The following USH2A variants were observed in gnomAD, a reference collection of about 807,000 sequenced individuals.
USH2A encodes usherin.
Under a neutral mutation model 538.9 loss-of-function variants are expected in USH2A, and 443 were observed. The observed-to-expected ratio is 0.82, with a 90% CI of 0.76 to 0.89. The LOEUF (loss-of-function observed/expected upper bound fraction) is 0.89, where lower values mean the gene tolerates loss of function less well. Among genes scored for constraint, USH2A ranks in the 40% least tolerant of loss-of-function variants. The pLI is 0.00. For missense variants in USH2A, 6,633 were observed against 6,324.8 expected, an observed-to-expected ratio of 1.05 and a Z score of -1.65; for synonymous variants, 2,413 against 2,273.5, an observed-to-expected ratio of 1.06 and a Z score of -1.75.
At chr1:215,857,657 AG>A (rs1664206836) in intron 44 of USH2A, among the ~76,000 whole-genome samples, 1 of 152,278 alleles carries the variant, frequency 6.6e-6, no homozygotes, top group Non-Finnish European at 1.5e-5. Flanking sequence ...GCACAATCTG[AG>A]GGTGGAGTTT....
chr1:216,375,297 T>A (rs2038796832), intron 3 of USH2A, among the ~76,000 whole-genome samples: 1 of 152,176 alleles, frequency 6.6e-6, no homozygotes, highest in African/African-American at 2.4e-5. Context: ...GACTTTTTCA[T>A]CCACATTGAA....
intron 21 of USH2A, among the ~76,000 whole-genome samples, chr1:216,117,451 G>T (rs934231735): frequency 2.0e-5 from 3 of 151,956 alleles, no homozygotes; most frequent in African/African-American, 7.3e-5. Flanking sequence ...ATTTTCCTTA[G>T]TTCACACTGA....
intron 49 of USH2A, among the ~76,000 whole-genome samples, chr1:215,810,667 A>G (rs1353398672): frequency 3.3e-5 from 5 of 152,206 alleles, no homozygotes; most frequent in Admixed American, 6.5e-5. Context: ...TATAGCAATG[A>G]TTTGTAATCA....
At chr1:215,687,703 C>T (rs1658477418) in intron 61 of USH2A, among the ~76,000 whole-genome samples, 1 of 152,044 alleles carries the variant, frequency 6.6e-6, no homozygotes, top group South Asian at 2.1e-4. Context: ...AATGTGCATA[C>T]ACTGTGACCC....
chr1:215,899,584 C>G (rs1571794028), intron 40 of USH2A, among the ~76,000 whole-genome samples: 1 of 152,134 alleles, frequency 6.6e-6, no homozygotes, highest in Non-Finnish European at 1.5e-5. Flanking sequence ...TTGTAATATA[C>G]TGCTATCAGA....
intron 60 of USH2A, among the ~76,000 whole-genome samples, chr1:215,731,394 C>T (rs1659991628): frequency 6.6e-6 from 1 of 152,134 alleles, no homozygotes; most frequent in African/African-American, 2.4e-5. Context: ...TTGAGTAGAC[C>T]ACAATTATTC....
chr1:215,911,306 A>G (rs112255020), intron 38 of USH2A, among the ~76,000 whole-genome samples: 15,489 of 151,804 alleles, frequency 0.1, 1,087 homozygotes, highest in Non-Finnish European at 0.14. Context: ...TTATGCATTC[A>G]TTCTATTTTT....
At chr1:216,230,715 T>C (rs2102518442) in intron 14 of USH2A, among the ~76,000 whole-genome samples, 1 of 152,176 alleles carries the variant, frequency 6.6e-6, no homozygotes, top group South Asian at 2.1e-4. Flanking sequence ...AACCCTGAAA[T>C]AATTAGCAAT....
intron 47 of USH2A, among the ~76,000 whole-genome samples, chr1:215,824,395 T>C (rs1196056550): frequency 6.6e-6 from 1 of 152,062 alleles, no homozygotes; most frequent in Non-Finnish European, 1.5e-5. Context: ...CTGCCTCCTT[T>C]TTGGCACTAG....
intron 58 of USH2A, among the ~76,000 whole-genome samples, chr1:215,744,543 C>T (rs1413993494): frequency 2.0e-5 from 3 of 152,160 alleles, no homozygotes; most frequent in Non-Finnish European, 2.9e-5. Context: ...CCACATAAGT[C>T]TATCTTTACT....
intron 31 of USH2A, 100 bp from the exon 32 acceptor site, chr1:216,046,692 C>A: frequency 7.1e-7 from 1 of 1,406,986 alleles, no homozygotes; most frequent in East Asian, 2.4e-5. Context: ...CCTGAAATCC[C>A]ATGCATGGAA....
chr1:215,763,166 T>A (rs1409341285), intron 56 of USH2A, among the ~76,000 whole-genome samples: 1 of 152,204 alleles, frequency 6.6e-6, no homozygotes. Context: ...ATTTTCTGTG[T>A]TGGGCACTGT....
At chr1:215,777,508 T>C (rs566327135) in intron 55 of USH2A, among the ~76,000 whole-genome samples, 2 of 152,374 alleles carry the variant, frequency 1.3e-5, no homozygotes, top group East Asian at 3.9e-4. Context: ...CCTTTGCTGG[T>C]ACAGTCTTAA....
At chr1:215,855,023 G>A (rs552905766) in intron 44 of USH2A, among the ~76,000 whole-genome samples, 1 of 152,296 alleles carries the variant, frequency 6.6e-6, no homozygotes, top group South Asian at 2.1e-4. Context: ...TTTGGGGGCT[G>A]CTGCTCTCCA....
At chr1:215,956,796 A>T (rs1270919310) in intron 37 of USH2A, among the ~76,000 whole-genome samples, 2 of 152,166 alleles carry the variant, frequency 1.3e-5, no homozygotes, top group Admixed American at 1.3e-4. Context: ...AGAACAGATG[A>T]GGTCTTAAAC....
chr1:215,825,676 C>A (rs550346538), intron 47 of USH2A, among the ~76,000 whole-genome samples: 16 of 152,194 alleles, frequency 1.1e-4, no homozygotes, highest in Admixed American at 1.0e-3. Flanking sequence ...TCGATTTGGT[C>A]ATTTTTGTCA....
intron 11 of USH2A, among the ~76,000 whole-genome samples, chr1:216,278,106 C>G (rs140258851): frequency 6.6e-6 from 1 of 152,154 alleles, no homozygotes; most frequent in Non-Finnish European, 1.5e-5. Context: ...AATATCCAGA[C>G]ACTACCTAAT....
Position 215,878,913 on chromosome 1 carries a change from A to G in USH2A, c.8409T>C (p.Leu2803=). The G allele has an allele frequency of 6.2e-7, 1 of 1,614,096 alleles. No individual in the cohort carries two copies. The highest frequency in any genetic ancestry group is 1.1e-5 in the South Asian group (1 of 91,078). ...TAGGTAAACTCTCTGTGCACCCTCC[A>G]AGGTACCCATTACCCCCTGAGCAAG... is the stretch of plus-strand genomic sequence containing the variant. The part of the protein sequence containing the change: ...IVACSGGNGY[L]GGCTESLPTY... Residue 2803 remains leucine (L), a synonymous_variant, in exon 42 of 72, where the codon CTT becomes CTC. Coordinates refer to ENST00000307340, the MANE Select transcript of USH2A (RefSeq NM_206933.4).
chr1:216,343,610 T>TA (rs947459397), intron 4 of USH2A, among the ~76,000 whole-genome samples: 18 of 150,936 alleles, frequency 1.2e-4, no homozygotes, highest in African/African-American at 4.4e-4. Context: ...TGTGGTACCA[T>TA]AAAAAAATAG....
Sources: gnomAD v4.1 joint callset for allele counts (sites outside exome capture counted in the v4.1 genomes callset) on GRCh38, gnomAD v4.1.1 for gene constraint, MANE v1.5 for transcripts, NCBI Gene and HGNC (gene_info 2026-07-23, HGNC 2026-07-21) for gene names.